The following FHIP2A variants were observed in gnomAD, a reference collection of about 807,000 sequenced individuals.
FHIP2A encodes the protein family with sequence similarity 160 member B1.
Under a neutral mutation model 93.5 loss-of-function variants are expected in FHIP2A, and 46 were observed. That is an observed-to-expected ratio of 0.49 (90% CI 0.39 to 0.63). The LOEUF is 0.63. Ranked by LOEUF, FHIP2A falls within the 20% of genes least tolerant of loss-of-function variation. The pLI, the probability that FHIP2A is intolerant of heterozygous loss-of-function variation, is 0.00. For synonymous variants in FHIP2A, 332 were observed against 326.5 expected, an observed-to-expected ratio of 1.02 and a Z score of -0.18; for missense variants, 769 against 909.7, an observed-to-expected ratio of 0.85 and a Z score of 1.99.
chr10:114,894,297 G>A (rs11591520), intron 16 of FHIP2A, among the ~76,000 whole-genome samples: 4 of 150,826 alleles, frequency 2.7e-5, no homozygotes, highest in South Asian at 2.1e-4. Context: ...GGTGGCTCAC[G>A]CCTGTAATCC....
chr10:114,846,058 A>T lies in FHIP2A; in HGVS notation c.1174A>T (p.Ile392Phe). Residue 392 changes from isoleucine to phenylalanine, a missense_variant, in exon 9 of 17, where the codon ATT becomes TTT. Coordinates refer to ENST00000369248, the MANE Select transcript of FHIP2A (RefSeq NM_020940.4). ...CAAAGCTGTTCATGAAAGATTTTTCATTGGTGTTATGGAACCTCAATTAAT... is the reference window on the plus strand; with the variant it reads ...CAAAGCTGTTCATGAAAGATTTTTCTTTGGTGTTATGGAACCTCAATTAAT... ...LAKAVHERFF[I>F]GVMEPQLMQT... 1.2e-6 allele frequency: 2 copies of T among 1,613,890 alleles called. No individual in the cohort carries two copies. The highest frequency in any genetic ancestry group is 2.2e-5 in the South Asian group (2 of 91,046).
At chr10:114,867,638 A>G (rs527337456), downstream of FHIP2A, among the ~76,000 whole-genome samples, 70 of 152,288 alleles carry the variant, frequency 4.6e-4, no homozygotes, top group African/African-American at 1.6e-3. Context: ...CAATTAAGAG[A>G]GAACCAACCT....
At chr10:114,866,667 G>T (rs1030636273), downstream of FHIP2A, among the ~76,000 whole-genome samples, 1 of 152,180 alleles carries the variant, frequency 6.6e-6, no homozygotes, top group African/African-American at 2.4e-5. Flanking sequence ...CCCTAAAGAA[G>T]TCAGTCTTGG....
intron 14 of FHIP2A, 78 bp from the exon 15 acceptor site, chr10:114,860,671 G>A: frequency 8.1e-7 from 1 of 1,230,014 alleles, no homozygotes; most frequent in Non-Finnish European, 1.2e-6. Flanking sequence ...TTTCTTAAAA[G>A]AACAAATTGA....
Position 114,848,622 on chromosome 10 carries a change from A to G in FHIP2A, c.1713-25A>G, listed in dbSNP as rs374665991. On this transcript the variant is annotated intron_variant, in intron 12 of 16. Coordinates refer to ENST00000369248, the MANE Select transcript of FHIP2A (RefSeq NM_020940.4). ...TTTTTCATGCAAATGGACATCTTGC[A>G]TAATTGTGGCCGTTTTCATTTAAGT... 1.5e-5 allele frequency: 22 copies of G among 1,435,498 alleles called. No individual in the cohort carries two copies. In the African/African-American group the frequency reaches 1.8e-4, roughly 12 times the overall value. 88.9% of individuals were successfully genotyped at this position (1,435,498 alleles called of 1,614,324 possible).
Position 114,821,867 on chromosome 10 carries a change from C to T in FHIP2A, c.-212C>T. On this transcript the variant is annotated 5_prime_UTR_variant, in exon 1 of 17. Transcript: ENST00000369248. ...CTCGCCGAACGCCCTCCTCGCCGCC[C>T]GCCGCGTCCCGGCGCCCTCCGGAGC... 2 of 277,740 alleles carry T rather than the reference C, an allele frequency of 7.2e-6. No individual in the cohort carries two copies. The highest frequency in any genetic ancestry group is 1.7e-4 in the South Asian group (1 of 5,990). 17.2% of individuals were successfully genotyped at this position (277,740 alleles called of 1,614,324 possible). A position where few individuals can be genotyped will look rare whatever the true frequency, so the allele number is the denominator to read the frequency against.
At chr10:114,846,466 C>T in intron 10 of FHIP2A, 93 bp from the exon 11 acceptor site, 1 of 1,434,892 alleles carries the variant, frequency 7.0e-7, no homozygotes, top group South Asian at 1.4e-5. Flanking sequence ...CTTTTATTGG[C>T]TTTAGAAATT....
chr10:114,897,858 A>G (rs776550858), intron 16 of FHIP2A, among the ~76,000 whole-genome samples: 2 of 152,232 alleles, frequency 1.3e-5, no homozygotes, highest in Middle Eastern at 3.2e-3. Context: ...GCAGTGAGCC[A>G]TGATTGCGCC....
At chr10:114,825,120 C>A (rs112667122) in intron 1 of FHIP2A, among the ~76,000 whole-genome samples, 132 of 152,316 alleles carry the variant, frequency 8.7e-4, no homozygotes, top group African/African-American at 2.9e-3. Flanking sequence ...AGGGCTCAAA[C>A]GATTCTCCTG....
rs756315959 is a variant in FHIP2A, at chr10:114,843,829, G to C, written c.905G>C (p.Ser302Thr). The C allele has an allele frequency of 6.2e-7, 1 of 1,612,008 alleles. No individual in the cohort carries two copies. Among genetic ancestry groups the C allele is most frequent in the South Asian group, 1.1e-5 (1 of 90,706 alleles). ...GCGGCTGCAAAGTGCCTTACACAGA[G>C]CACTTGCTTGTGTGAACTACTGACA... ...EPAAAKCLTQSTCLCELLTDR... is the reference protein window; with the variant it reads ...EPAAAKCLTQTTCLCELLTDR... Residue 302 changes from serine to threonine, a missense_variant, in exon 7 of 17, where the codon AGC becomes ACC. Coordinates refer to ENST00000369248, the MANE Select transcript of FHIP2A (RefSeq NM_020940.4).
chr10:114,854,338 C>T (rs2083754256), intron 13 of FHIP2A, among the ~76,000 whole-genome samples: 1 of 151,876 alleles, frequency 6.6e-6, no homozygotes, highest in Non-Finnish European at 1.5e-5. Context: ...ACTAAAAATA[C>T]AAAATTAACC....
intron 1 of FHIP2A, among the ~76,000 whole-genome samples, chr10:114,823,597 C>T (rs1038921565): frequency 2.6e-4 from 40 of 151,624 alleles, no homozygotes; most frequent in Non-Finnish European, 4.1e-4. Flanking sequence ...CGGATTCAAG[C>T]GATTCTCCTG....
chr10:114,864,182 T>C lies in FHIP2A; in HGVS notation c.*2642T>C. ...ACACTGTTGCTAGTGTAAACATTGT[T>C]ACACTTAATTTTACAGGGCACAAAT... On this transcript the variant is annotated 3_prime_UTR_variant, in exon 17 of 17. Coordinates refer to ENST00000369248, the MANE Select transcript of FHIP2A (RefSeq NM_020940.4). 23 of 984,660 alleles carry C rather than the reference T, an allele frequency of 2.3e-5. No homozygotes were observed. Among genetic ancestry groups the C allele is most frequent in the Non-Finnish European group, 2.8e-5 (23 of 828,876 alleles). The allele number at this position is 984,660 out of a possible 1,614,324, so 61.0% of individuals were successfully genotyped here.
intron 16 of FHIP2A, among the ~76,000 whole-genome samples, chr10:114,883,043 A>T (rs1592033521): frequency 6.6e-6 from 1 of 152,214 alleles, no homozygotes; most frequent in Middle Eastern, 3.4e-3. Context: ...ACAGGGTAGG[A>T]TGCTGGGCAC....
At chr10:114,881,957 T>C (rs959312424) in intron 16 of FHIP2A, among the ~76,000 whole-genome samples, 1 of 152,246 alleles carries the variant, frequency 6.6e-6, no homozygotes, top group Admixed American at 6.5e-5. Context: ...TATGTGTGTC[T>C]GTGTGCGTGT....
rs2083706063 is a variant in FHIP2A at position 114,847,121 on chromosome 10, A to G, written c.1600A>G (p.Ile534Val). 3.1e-6 allele frequency: 5 copies of G among 1,612,878 alleles called. No homozygotes were observed. The highest frequency in any genetic ancestry group is 2.2e-5 in the South Asian group (2 of 90,938). Reference sequence around the variant, plus strand: ...GGAAGAAGATCCATTATTTACTGACATTTCACCAGAAAACACTTTGCCAAA... The same window carrying G: ...GGAAGAAGATCCATTATTTACTGACGTTTCACCAGAAAACACTTTGCCAAA... ...DLEEDPLFTD[I>V]SPENTLPNQE... Residue 534 changes from isoleucine to valine, a missense_variant, in exon 12 of 17, where the codon ATT becomes GTT. Coordinates refer to ENST00000369248, the MANE Select transcript of FHIP2A (RefSeq NM_020940.4).
At chr10:114,833,202 A>G in intron 2 of FHIP2A, 31 bp from the exon 3 acceptor site, 1 of 1,556,666 alleles carries the variant, frequency 6.4e-7, no homozygotes, top group Non-Finnish European at 8.8e-7. Flanking sequence ...AAAAATGTTT[A>G]AATATTTGAT....
intron 13 of FHIP2A, among the ~76,000 whole-genome samples, chr10:114,852,236 T>G (rs897297206): frequency 6.6e-6 from 1 of 152,148 alleles, no homozygotes; most frequent in African/African-American, 2.4e-5. Context: ...TCAATGGCCC[T>G]CTTTTCTATC....
At chr10:114,828,959 A>G (rs1566364695) in intron 1 of FHIP2A, among the ~76,000 whole-genome samples, 1 of 152,228 alleles carries the variant, frequency 6.6e-6, no homozygotes, top group Non-Finnish European at 1.5e-5. Flanking sequence ...GTTTATGACC[A>G]ATATTTCTAA....
Sources: gnomAD v4.1 joint callset for allele counts (sites outside exome capture counted in the v4.1 genomes callset) on GRCh38, gnomAD v4.1.1 for gene constraint, MANE v1.5 for transcripts, NCBI Gene and HGNC (gene_info 2026-07-23, HGNC 2026-07-21) for gene names.